The following SPAG16 variants were observed in gnomAD, a reference collection of about 807,000 sequenced individuals.
SPAG16 encodes the protein sperm-associated antigen 16 protein.
Under a neutral mutation model 80.4 loss-of-function variants are expected in SPAG16, and 86 were observed. That is an observed-to-expected ratio of 1.07 (90% CI 0.90 to 1.28). SPAG16 has a LOEUF of 1.28. SPAG16 is among the 50% of genes most tolerant of loss of function. The pLI, the probability that SPAG16 is intolerant of heterozygous loss-of-function variation, is 0.00. For synonymous variants in SPAG16, 294 were observed against 265.9 expected, an observed-to-expected ratio of 1.11 and a Z score of -1.03; for missense variants, 870 against 765.3, an observed-to-expected ratio of 1.14 and a Z score of -1.61.
intron 14 of SPAG16, among the ~76,000 whole-genome samples, chr2:214,146,958 T>C (rs968967579): frequency 4.7e-5 from 7 of 150,434 alleles, no homozygotes; most frequent in Non-Finnish European, 1.0e-4. Flanking sequence ...GCCAAGATTG[T>C]GCCATTGCAC....
At chr2:214,209,816 C>T (rs144131957) in intron 15 of SPAG16, among the ~76,000 whole-genome samples, 45 of 152,218 alleles carry the variant, frequency 3.0e-4, no homozygotes, top group African/African-American at 1.0e-3. Flanking sequence ...AATAAGGTTA[C>T]ATAATTGATT....
At chr2:213,675,527 T>C (rs2064018763) in intron 10 of SPAG16, among the ~76,000 whole-genome samples, 1 of 152,204 alleles carries the variant, frequency 6.6e-6, no homozygotes, top group South Asian at 2.1e-4. Flanking sequence ...AGGGCTAACA[T>C]TTAAGTCTTT....
intron 12 of SPAG16, among the ~76,000 whole-genome samples, chr2:213,994,859 A>G (rs974442379): frequency 6.6e-6 from 1 of 152,176 alleles, no homozygotes; most frequent in African/African-American, 2.4e-5. Flanking sequence ...GGTTATTGCA[A>G]GGTCTTGGAT....
chr2:213,876,468 C>A (rs2076147982), intron 11 of SPAG16, among the ~76,000 whole-genome samples: 1 of 151,998 alleles, frequency 6.6e-6, no homozygotes, highest in African/African-American at 2.4e-5. Context: ...TAAAAAGAGC[C>A]TCCTTGTGGA....
intron 15 of SPAG16, among the ~76,000 whole-genome samples, chr2:214,334,866 A>G (rs1449124549): frequency 6.6e-6 from 1 of 152,188 alleles, no homozygotes; most frequent in East Asian, 1.9e-4. Flanking sequence ...CTCATTGCCA[A>G]CTGGTCTATG....
At chr2:213,548,059 C>G (rs938960445) in intron 10 of SPAG16, among the ~76,000 whole-genome samples, 1 of 152,158 alleles carries the variant, frequency 6.6e-6, no homozygotes, top group African/African-American at 2.4e-5. Context: ...TAAAACTTTA[C>G]AGGGAAAAGC....
At chr2:213,899,921 CA>C (rs2106118610) in intron 11 of SPAG16, among the ~76,000 whole-genome samples, 1 of 152,192 alleles carries the variant, frequency 6.6e-6, no homozygotes, top group East Asian at 1.9e-4. Context: ...TTGTGAAAAA[CA>C]ATTCTCTTCA....
At chr2:213,987,987 T>C (rs1175773935) in intron 12 of SPAG16, among the ~76,000 whole-genome samples, 1 of 151,650 alleles carries the variant, frequency 6.6e-6, no homozygotes, top group Non-Finnish European at 1.5e-5. Flanking sequence ...GTATTTTAAA[T>C]ACATACATCT....
At chr2:214,026,875 G>C (rs2048157882) in intron 13 of SPAG16, among the ~76,000 whole-genome samples, 1 of 151,458 alleles carries the variant, frequency 6.6e-6, no homozygotes, top group Admixed American at 6.6e-5. Flanking sequence ...AACTCTTCTT[G>C]AGACTTCTTC....
intron 13 of SPAG16, among the ~76,000 whole-genome samples, chr2:214,069,604 T>A (rs2050690826): frequency 6.6e-6 from 1 of 152,132 alleles, no homozygotes; most frequent in Non-Finnish European, 1.5e-5. Flanking sequence ...AGTGCCAACC[T>A]AAAATCATAT....
chr2:213,425,862 A>G (rs986468339), intron 9 of SPAG16, among the ~76,000 whole-genome samples: 2 of 152,196 alleles, frequency 1.3e-5, no homozygotes, highest in African/African-American at 4.8e-5. Flanking sequence ...TCATGCTCCA[A>G]TAATAGAAAA....
At chr2:213,764,474 A>G (rs2556297) in intron 10 of SPAG16, among the ~76,000 whole-genome samples, 1 of 152,116 alleles carries the variant, frequency 6.6e-6, no homozygotes, top group African/African-American at 2.4e-5. Flanking sequence ...GTGTCCTTGG[A>G]CTTACATTTT....
chr2:214,013,821 A>G (rs2047441423), intron 12 of SPAG16, 130 bp from the exon 13 acceptor site: 2 of 850,076 alleles, frequency 2.4e-6, no homozygotes, highest in Non-Finnish European at 3.5e-6. Context: ...TACTTTTAAA[A>G]TGTTGTTATT....
chr2:213,615,149 T>A (rs2125032140), intron 10 of SPAG16, among the ~76,000 whole-genome samples: 1 of 152,330 alleles, frequency 6.6e-6, no homozygotes, highest in East Asian at 1.9e-4. Flanking sequence ...GTACAGTTAT[T>A]CTACTGAGAT....
intron 10 of SPAG16, among the ~76,000 whole-genome samples, chr2:213,748,525 G>A (rs1038551891): frequency 6.6e-6 from 1 of 151,752 alleles, no homozygotes; most frequent in African/African-American, 2.4e-5. Context: ...AATATTATTA[G>A]AATATGTAAA....
At chr2:213,522,490 A>G (rs918559650) in intron 10 of SPAG16, among the ~76,000 whole-genome samples, 5 of 152,196 alleles carry the variant, frequency 3.3e-5, no homozygotes, top group African/African-American at 1.2e-4. Context: ...CAGTGGGGTT[A>G]TGCCCCACAT....
chr2:213,373,351 C>T (rs2125192511), intron 8 of SPAG16, among the ~76,000 whole-genome samples: 1 of 152,290 alleles, frequency 6.6e-6, no homozygotes, highest in South Asian at 2.1e-4. Context: ...ATTCTCGCTA[C>T]ATTGAGAAAT....
At chr2:213,340,462 A>G (rs2064626772) in intron 6 of SPAG16, among the ~76,000 whole-genome samples, 192 bp downstream of exon 6, 1 of 152,120 alleles carries the variant, frequency 6.6e-6, no homozygotes, top group Non-Finnish European at 1.5e-5. Flanking sequence ...TTAAGCAGAA[A>G]TATACTGAAA....
chr2:214,080,029 G>A (rs1303073060), intron 13 of SPAG16, among the ~76,000 whole-genome samples: 1 of 152,088 alleles, frequency 6.6e-6, no homozygotes, highest in Non-Finnish European at 1.5e-5. Flanking sequence ...CCTCTGTTAA[G>A]ACAAACCTAA....
Sources: allele counts gnomAD v4.1 joint callset (sites outside exome capture counted in the v4.1 genomes callset), GRCh38; gene constraint gnomAD v4.1.1; transcripts MANE v1.5; gene names NCBI Gene and HGNC (gene_info 2026-07-23, HGNC 2026-07-21).